MMP16: variants seen among roughly 807,000 people sequenced by gnomAD.
MMP16 encodes matrix metallopeptidase 16, also known as matrix metalloproteinase-16.
Under a neutral mutation model 67.8 loss-of-function variants are expected in MMP16, and 12 were observed. The observed-to-expected ratio is 0.18, with a 90% CI of 0.11 to 0.29. The LOEUF (loss-of-function observed/expected upper bound fraction) is 0.29. Ranked by LOEUF, MMP16 falls within the 10% of genes least tolerant of loss-of-function variation. The pLI is 1.00. For missense variants in MMP16, 475 were observed against 765.7 expected (o/e 0.62, Z 4.48); for synonymous variants, 249 against 255.9 (o/e 0.97, Z 0.26).
chr8:88,200,510 A>G (rs534204112), intron 1 of MMP16, among the ~76,000 whole-genome samples: 1 of 152,164 alleles, frequency 6.6e-6, no homozygotes, highest in East Asian at 1.9e-4. Flanking sequence ...AGACAAAACC[A>G]ATTTCCAGCA....
chr8:88,326,853 C>A (rs935082260), intron 1 of MMP16: 15 of 485,922 alleles, frequency 3.1e-5, no homozygotes, highest in African/African-American at 2.7e-4. Flanking sequence ...TCTTTGAGCG[C>A]GCAGCATCGT....
rs115655833 is a variant in MMP16, at chr8:88,198,181, T to C, written c.133-875A>G. On this transcript the variant is annotated intron_variant, in intron 1 of 9. Coordinates refer to ENST00000286614, the MANE Select transcript of MMP16 (RefSeq NM_005941.5). ...TGCAGGGCATTTGGAAAAAAACATA[T>C]ATCTCCACCAGGGAGCAGATGCTTT... 1.9e-3 allele frequency among the ~76,000 whole-genome samples: 287 copies of C among 152,258 alleles called. 1 individual carries two copies. The highest frequency in any genetic ancestry group is 5.5e-3 in the African/African-American group (227 of 41,568).
At chr8:88,308,204 GAC>G (rs539718148) in intron 1 of MMP16, among the ~76,000 whole-genome samples, 50 of 152,170 alleles carry the variant, frequency 3.3e-4, no homozygotes, top group Admixed American at 2.2e-3. Context: ...CCACATCAGA[GAC>G]ACAGTGTATA....
At chr8:88,116,461 A>G in intron 6 of MMP16, 46 bp downstream of exon 6, 1 of 1,506,358 alleles carries the variant, frequency 6.6e-7, no homozygotes, top group Non-Finnish European at 9.2e-7. Flanking sequence ...AAGCAACACT[A>G]GACACTTGAT....
rs755005612 is a variant in MMP16 at position 88,037,490 on chromosome 8, G to A, written c.*3971C>T. The A allele has an allele frequency of 7.3e-5, 11 of 151,640 alleles. No individual in the cohort carries two copies. The highest frequency in any genetic ancestry group is 1.2e-4 in the Non-Finnish European group (8 of 67,802). The allele number at this position is 151,640 out of a possible 1,614,324, so 9.4% of individuals were successfully genotyped here. A position where few individuals can be genotyped will look rare whatever the true frequency, so the allele number is the denominator to read the frequency against. On this transcript the variant is annotated 3_prime_UTR_variant, in exon 10 of 10. Transcript: ENST00000286614. ...TCATTACTTAGTAATTTATCACATC[G>A]ATTCAGAAAAGCCTTGCCCTCTGAT...
chr8:88,191,389 T>A (rs1809166845), intron 2 of MMP16, among the ~76,000 whole-genome samples: 1 of 152,226 alleles, frequency 6.6e-6, no homozygotes, highest in Non-Finnish European at 1.5e-5. Context: ...TAGCAGACAG[T>A]AACTACTATT....
intron 1 of MMP16, among the ~76,000 whole-genome samples, chr8:88,289,567 C>G (rs2130014240): frequency 6.6e-6 from 1 of 152,140 alleles, no homozygotes; most frequent in East Asian, 1.9e-4. Flanking sequence ...TCATTTCATA[C>G]AAAAATTTAC....
intron 1 of MMP16, among the ~76,000 whole-genome samples, chr8:88,286,163 C>T (rs1394595959): frequency 2.0e-5 from 3 of 152,192 alleles, no homozygotes; most frequent in Non-Finnish European, 4.4e-5. Flanking sequence ...CTTCCTGGCC[C>T]AGTGCACTAC....
chr8:88,276,549 AT>A (rs1334284686), intron 1 of MMP16, among the ~76,000 whole-genome samples: 1 of 152,154 alleles, frequency 6.6e-6, no homozygotes, highest in Non-Finnish European at 1.5e-5. Context: ...TGAAGACAAA[AT>A]TAGTTACCCA....
At position 88,161,595 on chromosome 8, in the gene MMP16, T is replaced by G. The variant is rs149965246; in HGVS notation, c.709+6074A>C. ...TAGTTATTTCTTGCCTTCTGATAGC[T>G]TTTGAATGTGTTTGCTCTTGCTTCT... On this transcript the variant is annotated intron_variant, in intron 4 of 9. Coordinates refer to ENST00000286614, the MANE Select transcript of MMP16 (RefSeq NM_005941.5). 8.1e-3 allele frequency among the ~76,000 whole-genome samples: 1,227 copies of G among 152,256 alleles called. 13 individuals are homozygous for G. The highest frequency in any genetic ancestry group is 0.028 in the African/African-American group (1,172 of 41,548).
intron 7 of MMP16, among the ~76,000 whole-genome samples, chr8:88,062,499 C>T (rs1475390887): frequency 6.6e-6 from 1 of 152,116 alleles, no homozygotes; most frequent in East Asian, 1.9e-4. Flanking sequence ...GAGTTCATGT[C>T]CTTTGTAGGG....
Position 88,038,067 on chromosome 8 carries a change from G to C in MMP16, c.*3394C>G, listed in dbSNP as rs1808078328. On this transcript the variant is annotated 3_prime_UTR_variant, in exon 10 of 10. Coordinates refer to ENST00000286614, the MANE Select transcript of MMP16 (RefSeq NM_005941.5). This position sits in a 1 kb window ranked among gnomAD's most constrained non-coding sequence, Gnocchi z 4.1. ...ATTGGTTTTGAATCACTATTCTTAT[G>C]TGCTAGATGAATTACTTTCCCTTTC... 2 of 151,920 alleles carry C rather than the reference G, an allele frequency of 1.3e-5. No individual in the cohort carries two copies. The highest frequency in any genetic ancestry group is 4.8e-5 in the African/African-American group (2 of 41,418). 9.4% of individuals were successfully genotyped at this position (151,920 alleles called of 1,614,324 possible). A position where few individuals can be genotyped will look rare whatever the true frequency, so the allele number is the denominator to read the frequency against.
chr8:88,310,193 C>T (rs1014837485), intron 1 of MMP16, among the ~76,000 whole-genome samples: 1 of 151,940 alleles, frequency 6.6e-6, no homozygotes, highest in African/African-American at 2.4e-5. Flanking sequence ...AAAAAAACGA[C>T]GAAGTTTAGA....
At chr8:88,242,180 T>C (rs1002290610) in intron 1 of MMP16, among the ~76,000 whole-genome samples, 1 of 152,226 alleles carries the variant, frequency 6.6e-6, no homozygotes, top group Non-Finnish European at 1.5e-5. Flanking sequence ...GTAACAGCTA[T>C]CTTTTTTCCC....
At chr8:88,266,078 A>C (rs1161817985) in intron 1 of MMP16, among the ~76,000 whole-genome samples, 1 of 152,250 alleles carries the variant, frequency 6.6e-6, no homozygotes, top group African/African-American at 2.4e-5. Flanking sequence ...TCTGTGTAGG[A>C]GAATTCCAAA....
At position 88,109,523 on chromosome 8, in the gene MMP16, GAAT is replaced by G. The variant is rs140431025; in HGVS notation, c.1083+6981_1083+6983del. ...ATAGTTAACTAAAAGTTTAAAAAGGGAATAATACCAAGAATAAAGTCTAATTTT... is the reference window on the plus strand; with the variant it reads ...ATAGTTAACTAAAAGTTTAAAAAGGGAATACCAAGAATAAAGTCTAATTTT... On this transcript the variant is annotated intron_variant, in intron 6 of 9. Transcript: ENST00000286614. Among the ~76,000 whole-genome samples the G allele has an allele frequency of 2.5e-3, 378 of 151,304 alleles. 2 individuals carry two copies. The highest frequency in any genetic ancestry group is 8.4e-3 in the African/African-American group (349 of 41,452).
chr8:88,033,424 G>T lies in MMP16; in HGVS notation c.*8037C>A, dbSNP rs1808011164. On this transcript the variant is annotated 3_prime_UTR_variant, in exon 10 of 10. Coordinates refer to ENST00000286614, the MANE Select transcript of MMP16 (RefSeq NM_005941.5). ...TGGAATCAAGATAATGTTAATAAAG[G>T]TATACACGTTTTAAAATATCTTAAA... The T allele has an allele frequency of 1.3e-5, 2 of 151,364 alleles. No individual in the cohort carries two copies. The highest frequency in any genetic ancestry group is 4.2e-4 in the South Asian group (2 of 4,804). The allele number at this position is 151,364 out of a possible 1,614,324, so 9.4% of individuals were successfully genotyped here. A position where few individuals can be genotyped will look rare whatever the true frequency, so the allele number is the denominator to read the frequency against.
chr8:88,314,231 A>G (rs1811343410), intron 1 of MMP16, among the ~76,000 whole-genome samples: 1 of 152,178 alleles, frequency 6.6e-6, no homozygotes, highest in Non-Finnish European at 1.5e-5. Flanking sequence ...TTTTATCTCT[A>G]AAGTTCAATT....
intron 6 of MMP16, among the ~76,000 whole-genome samples, chr8:88,083,387 A>G (rs1808784753): frequency 6.6e-6 from 1 of 152,054 alleles, no homozygotes; most frequent in Non-Finnish European, 1.5e-5. Context: ...TAGGCTAATT[A>G]CAAGGTAAGC....
Sources: allele counts gnomAD v4.1 joint callset (sites outside exome capture counted in the v4.1 genomes callset), GRCh38; gene constraint gnomAD v4.1.1; non-coding constraint Gnocchi (gnomAD v3.1); transcripts MANE v1.5; gene names NCBI Gene and HGNC (gene_info 2026-07-23, HGNC 2026-07-21).